The following PALM2AKAP2 variants were observed in gnomAD, a reference collection of about 807,000 sequenced individuals.
PALM2AKAP2 encodes the protein PALM2 and AKAP2 fusion.
PALM2AKAP2 carries 37 observed loss-of-function variants against 71.5 expected under a neutral mutation model. The observed-to-expected ratio is 0.52, with a 90% CI of 0.40 to 0.68. The LOEUF is 0.68. Among genes scored for constraint, PALM2AKAP2 ranks in the 30% least tolerant of loss-of-function variants. The pLI is 0.00. For synonymous variants in PALM2AKAP2, 468 were observed against 478.8 expected (o/e 0.98, Z 0.29); for missense variants, 1,224 against 1,191.8 (o/e 1.03, Z -0.40).
chr9:109,804,458 C>T lies in PALM2AKAP2; in HGVS notation c.45+23925C>T, dbSNP rs998254390. ...TTCTATGGCAAATAAGCAGCCCTTC[C>T]TTATAATGCTGAAATCATAGAAGTT... On this transcript the variant is annotated intron_variant, in intron 1 of 9. Transcript: ENST00000302798. Among the ~76,000 whole-genome samples, 5 of 152,304 alleles carry T rather than the reference C, an allele frequency of 3.3e-5. No homozygotes were observed. In the East Asian group the frequency reaches 9.6e-4, roughly 29 times the overall value.
At chr9:109,743,917 T>G (rs74920190) in intron 1 of PALM2AKAP2, among the ~76,000 whole-genome samples, 486 of 152,338 alleles carry the variant, frequency 3.2e-3, no homozygotes, top group African/African-American at 0.011. Flanking sequence ...TTTGCTCTTT[T>G]TTTCTTATTG....
chr9:109,882,430 G>A (rs1587982815), intron 3 of PALM2AKAP2, among the ~76,000 whole-genome samples: 1 of 152,320 alleles, frequency 6.6e-6, no homozygotes, highest in South Asian at 2.1e-4. Flanking sequence ...TGGAGGGTTT[G>A]TGTGTACATA....
rs1465397508 is a variant in PALM2AKAP2, at chr9:109,691,893, T to C, written c.5+51027T>C. Among the ~76,000 whole-genome samples, 5 of 73,142 alleles carry C rather than the reference T, an allele frequency of 6.8e-5. 1 individual carries two copies. The highest frequency in any genetic ancestry group is 7.4e-4 in the East Asian group (2 of 2,696). 48.0% of individuals were successfully genotyped at this position (73,142 alleles called of 152,430 possible). On this transcript the variant is annotated intron_variant, in intron 1 of 6. Coordinates refer to the PALM2AKAP2 transcript ENST00000374531. The stretch of plus-strand genomic sequence containing the variant: ...ACACACACACACACATATATATATA[T>C]ATATATATACACACACACATATATA...
At chr9:109,880,519 A>T (rs1264432613) in intron 2 of PALM2AKAP2, 32 bp from the exon 3 acceptor site, 1 of 1,611,136 alleles carries the variant, frequency 6.2e-7, no homozygotes, top group East Asian at 2.2e-5. Context: ...GAAAAGTATC[A>T]TCTTGTCTGT....
intron 1 of PALM2AKAP2, among the ~76,000 whole-genome samples, chr9:109,798,720 T>A (rs1827334660): frequency 6.6e-6 from 1 of 152,198 alleles, no homozygotes; most frequent in African/African-American, 2.4e-5. Context: ...CCATTGATAA[T>A]AAACAAAACA....
At chr9:109,768,094 CAGGAAGAAAGGT>C (rs1349876401) in intron 1 of PALM2AKAP2, among the ~76,000 whole-genome samples, 7 of 135,968 alleles carry the variant, frequency 5.1e-5, no homozygotes, top group Admixed American at 1.5e-4. Context: ...GGAAGACAGG[CAGGAAGAAAGGT>C]AAGAAGAAAG....
chr9:109,906,443 C>T (rs887435142), intron 3 of PALM2AKAP2, among the ~76,000 whole-genome samples: 7 of 152,232 alleles, frequency 4.6e-5, no homozygotes, highest in Non-Finnish European at 1.0e-4. Flanking sequence ...AAGCGATCCA[C>T]CTGCCTCAGC....
At chr9:109,940,150 A>G (rs1451091780) in intron 6 of PALM2AKAP2, among the ~76,000 whole-genome samples, 1 of 152,192 alleles carries the variant, frequency 6.6e-6, no homozygotes, top group African/African-American at 2.4e-5. Flanking sequence ...TACCTGCTAT[A>G]CAAATGGCTC....
intron 3 of PALM2AKAP2, 63 bp from the exon 10 acceptor site, chr9:110,162,031 A>G (rs548841043): frequency 3.3e-4 from 525 of 1,588,796 alleles, no homozygotes; most frequent in Non-Finnish European, 4.3e-4. Context: ...GTTCCCGGCT[A>G]GGGGGTGTTC....
intron 1 of PALM2AKAP2, among the ~76,000 whole-genome samples, chr9:109,711,993 TTGTGTGTG>T (rs10611227): frequency 0.043 from 6,415 of 148,686 alleles, 180 homozygotes; most frequent in Non-Finnish European, 0.054. Context: ...GTGTGAGTGC[TTGTGTGTG>T]TGTGTGTGTG....
chr9:110,168,583 T>C (rs4978877), exon 4 of PALM2AKAP2: 186,681 of 1,468,282 alleles, frequency 0.13, 16,200 homozygotes, highest in East Asian at 0.48. Context: ...TAATGGACTA[T>C]TTATTAAAGT....
intron 1 of PALM2AKAP2, among the ~76,000 whole-genome samples, chr9:109,692,117 T>C (rs896681447): frequency 1.2e-4 from 18 of 151,086 alleles, no homozygotes; most frequent in African/African-American, 4.4e-4. Context: ...TCACACATGA[T>C]AAAATTTATC....
chr9:109,879,855 A>T (rs530133355), intron 2 of PALM2AKAP2, among the ~76,000 whole-genome samples: 1 of 152,120 alleles, frequency 6.6e-6, no homozygotes, highest in East Asian at 1.9e-4. Flanking sequence ...GCACCACCAC[A>T]CCCAGCTAAT....
chr9:110,033,238 T>C (rs1297155481), intron 7 of PALM2AKAP2, among the ~76,000 whole-genome samples: 2 of 152,242 alleles, frequency 1.3e-5, no homozygotes, highest in Non-Finnish European at 2.9e-5. Context: ...AAATCCCTTT[T>C]AAGAGAAATG....
intron 1 of PALM2AKAP2, among the ~76,000 whole-genome samples, chr9:109,826,683 G>A (rs1473909172): frequency 6.6e-6 from 1 of 152,212 alleles, no homozygotes; most frequent in African/African-American, 2.4e-5. Context: ...GGGGAATGAG[G>A]AGAAAGCTAA....
chr9:109,829,850 A>C (rs1311903374), intron 1 of PALM2AKAP2, among the ~76,000 whole-genome samples: 3 of 152,174 alleles, frequency 2.0e-5, no homozygotes, highest in Non-Finnish European at 4.4e-5. Flanking sequence ...ACCTTGATTT[A>C]GAATTTAATG....
intron 1 of PALM2AKAP2, among the ~76,000 whole-genome samples, chr9:110,135,152 C>CAAAAAAAAAAAAAAA (rs1198538795): frequency 1.1e-4 from 3 of 27,026 alleles, no homozygotes; most frequent in African/African-American, 3.0e-4. Context: ...TCTGTCTCTA[C>CAAAAAAAAAAAAAAA]AAAAAAAAAA....
chr9:109,895,513 G>A (rs2131828697), intron 3 of PALM2AKAP2, among the ~76,000 whole-genome samples: 1 of 152,312 alleles, frequency 6.6e-6, no homozygotes, highest in East Asian at 1.9e-4. Context: ...TTTGATCTGG[G>A]AAAGCAGAAG....
At chr9:110,028,021 T>C (rs1833213553) in intron 7 of PALM2AKAP2, among the ~76,000 whole-genome samples, 1 of 152,222 alleles carries the variant, frequency 6.6e-6, no homozygotes, top group African/African-American at 2.4e-5. Flanking sequence ...TTTTCGAAGA[T>C]TTTTTAAAAA....
Sources: gnomAD v4.1 joint callset for allele counts (sites outside exome capture counted in the v4.1 genomes callset) on GRCh38, gnomAD v4.1.1 for gene constraint, MANE v1.5 for transcripts, NCBI Gene and HGNC (gene_info 2026-07-23, HGNC 2026-07-21) for gene names.